PATJ: variants seen among roughly 807,000 people sequenced by gnomAD.
The protein encoded by PATJ is inaD-like protein.
Under a neutral mutation model 224.9 loss-of-function variants are expected in PATJ, and 190 were observed. That is an observed-to-expected ratio of 0.84 (90% CI 0.75 to 0.95). The LOEUF (loss-of-function observed/expected upper bound fraction) is 0.95, where lower values mean the gene tolerates loss of function less well. PATJ is among the 40% of genes least tolerant of loss of function. The pLI is 0.00. For missense variants in PATJ, 2,121 were observed against 2,270.3 expected (o/e 0.93, Z 1.34); for synonymous variants, 769 against 820.3 (o/e 0.94, Z 1.07).
intron 14 of PATJ, among the ~76,000 whole-genome samples, chr1:61,821,166 T>C (rs1483873597): frequency 6.6e-6 from 1 of 151,788 alleles, no homozygotes; most frequent in African/African-American, 2.4e-5. Flanking sequence ...TGCCTCAGCC[T>C]CCCGTGCAGC....
At chr1:61,798,766 C>T (rs994648788) in intron 11 of PATJ, among the ~76,000 whole-genome samples, 1 of 149,756 alleles carries the variant, frequency 6.7e-6, no homozygotes, top group African/African-American at 2.4e-5. Context: ...TGGCACCCAC[C>T]TGTAGTCCCA....
At chr1:62,059,484 G>A (rs1353452008) in intron 31 of PATJ, among the ~76,000 whole-genome samples, 1 of 151,920 alleles carries the variant, frequency 6.6e-6, no homozygotes, top group Non-Finnish European at 1.5e-5. Context: ...GGGCATGGTG[G>A]CACACATCTG....
intron 20 of PATJ, among the ~76,000 whole-genome samples, chr1:61,872,615 G>A (rs940541777): frequency 2.1e-4 from 32 of 152,152 alleles, no homozygotes; most frequent in African/African-American, 7.7e-4. Flanking sequence ...AACTCATTGT[G>A]CAGCCTTTGC....
chr1:61,769,715 T>C (rs1028303720), intron 5 of PATJ, among the ~76,000 whole-genome samples: 1 of 152,218 alleles, frequency 6.6e-6, no homozygotes, highest in Non-Finnish European at 1.5e-5. Flanking sequence ...ATGATGTGAT[T>C]CCAAGACCAT....
intron 14 of PATJ, among the ~76,000 whole-genome samples, chr1:61,821,416 G>T (rs892762643): frequency 3.3e-5 from 5 of 152,238 alleles, no homozygotes; most frequent in Non-Finnish European, 7.3e-5. Flanking sequence ...AGATCCTGAA[G>T]TGCTTAGTGG....
intron 28 of PATJ, among the ~76,000 whole-genome samples, chr1:62,007,762 G>A (rs377443691): frequency 6.6e-6 from 1 of 152,168 alleles, no homozygotes; most frequent in Non-Finnish European, 1.5e-5. Context: ...TGTTCCTGCT[G>A]TATGCACACA....
rs1158885808 is a variant in PATJ, at chr1:62,024,642, C to T, written c.3959+6695C>T. ...ATTCCTGTTTCCTTGGGTAGACCCC[C>T]ACTTCCCACCTCCCAACACACACAC... On this transcript the variant is annotated intron_variant, in intron 29 of 43. Transcript: ENST00000642238. Among the ~76,000 whole-genome samples, 5 of 145,356 alleles carry T rather than the reference C, an allele frequency of 3.4e-5. No individual in the cohort carries two copies. In the East Asian group the frequency reaches 8.3e-4, roughly 24 times the overall value.
chr1:62,062,490 CTTTTTTTTTTTTT>C (rs139480388), intron 31 of PATJ, among the ~76,000 whole-genome samples: 37 of 35,772 alleles, frequency 1.0e-3, no homozygotes, highest in African/African-American at 4.6e-3. Flanking sequence ...CCACAGCAAC[CTTTTTTTTTTTTT>C]TTTTTTTTTT....
At chr1:61,941,797 T>C (rs1156913690) in intron 27 of PATJ, among the ~76,000 whole-genome samples, 1 of 152,240 alleles carries the variant, frequency 6.6e-6, no homozygotes, top group Non-Finnish European at 1.5e-5. Flanking sequence ...AATATTTTAC[T>C]CTGGTAGTAA....
At position 61,990,564 on chromosome 1, in the gene PATJ, A is replaced by G. The variant is rs528740394; in HGVS notation, c.3867+200A>G. On this transcript the variant is annotated intron_variant, in intron 28 of 43. Transcript: ENST00000642238. The stretch of plus-strand genomic sequence containing the variant: ...TGCTGCTTAAGTAAAAACTAATCTC[A>G]CAGAATATTTTAGAAGTTCTTCAGT... 16 of 420,104 alleles carry G rather than the reference A, an allele frequency of 3.8e-5. No homozygotes were observed. The South Asian group carries it at 1.4e-3, about 36-fold the overall frequency. 26.0% of individuals were successfully genotyped at this position (420,104 alleles called of 1,614,324 possible). A position where few individuals can be genotyped will look rare whatever the true frequency, so the allele number is the denominator to read the frequency against.
At chr1:61,950,547 C>G (rs1384858000) in intron 27 of PATJ, among the ~76,000 whole-genome samples, 1 of 152,100 alleles carries the variant, frequency 6.6e-6, no homozygotes. Context: ...TTTTTTGTAT[C>G]GTTGTGGACT....
At chr1:62,046,840 G>A (rs536317757) in intron 30 of PATJ, among the ~76,000 whole-genome samples, 1 of 152,246 alleles carries the variant, frequency 6.6e-6, no homozygotes, top group South Asian at 2.1e-4. Flanking sequence ...TCTAAGTGTG[G>A]GATGTGGTGT....
chr1:62,046,625 C>T (rs1431932384), intron 30 of PATJ, among the ~76,000 whole-genome samples: 2 of 152,098 alleles, frequency 1.3e-5, no homozygotes, highest in East Asian at 1.9e-4. Context: ...CTTTCAGTCC[C>T]GTCAGGGAGA....
chr1:61,854,117 C>T (rs1022931520), intron 17 of PATJ, among the ~76,000 whole-genome samples: 1 of 152,160 alleles, frequency 6.6e-6, no homozygotes, highest in Admixed American at 6.6e-5. Flanking sequence ...GATCAGAAAA[C>T]TTCAAAAGAA....
chr1:61,806,438 T>C (rs1308978796), intron 13 of PATJ, among the ~76,000 whole-genome samples: 2 of 151,876 alleles, frequency 1.3e-5, no homozygotes, highest in Admixed American at 1.3e-4. Flanking sequence ...GCTAACATGG[T>C]GAAACCTCGT....
chr1:61,796,683 T>TTTCTTTC lies in PATJ; in HGVS notation c.1261-601_1261-595dup, dbSNP rs1378003187. 1.3e-3 allele frequency among the ~76,000 whole-genome samples: 28 copies of TTTCTTTC among 20,744 alleles called. 1 individual carries two copies. The South Asian group carries it at 0.04, about 30-fold the overall frequency. 13.6% of individuals were successfully genotyped at this position (20,744 alleles called of 152,430 possible). A position where few individuals can be genotyped will look rare whatever the true frequency, so the allele number is the denominator to read the frequency against. ...TTTTCTTTCTTTCTTTCTTTCTTTCTTTCTTTCTTTCTTTCTTTCTTTCTT... is the reference window on the plus strand; with the variant it reads ...TTTTCTTTCTTTCTTTCTTTCTTTCTTTCTTTCTTCTTTCTTTCTTTCTTTCTTTCTT... On this transcript the variant is annotated intron_variant, in intron 10 of 43. Coordinates refer to ENST00000642238, the MANE Select transcript of PATJ (RefSeq NM_001350145.3).
chr1:61,865,166 G>GTT (rs1388361059), intron 20 of PATJ: 2 of 150,414 alleles, frequency 1.3e-5, no homozygotes, highest in African/African-American at 4.9e-5. Context: ...AGCATTGTGT[G>GTT]TGTGTATATA....
chr1:61,771,720 T>C, intron 6 of PATJ, 94 bp downstream of exon 6: 1 of 972,242 alleles, frequency 1.0e-6, no homozygotes, highest in African/African-American at 1.7e-5. Flanking sequence ...TTTACCTTTC[T>C]TTCCTTTTTT....
chr1:61,998,306 A>G (rs1321760217), intron 28 of PATJ, among the ~76,000 whole-genome samples: 1 of 151,480 alleles, frequency 6.6e-6, no homozygotes, highest in Non-Finnish European at 1.5e-5. Context: ...CTGGTCTCGA[A>G]CTCCTGACCT....
Sources: gnomAD v4.1 joint callset for allele counts (sites outside exome capture counted in the v4.1 genomes callset) on GRCh38, gnomAD v4.1.1 for gene constraint, MANE v1.5 for transcripts, NCBI Gene and HGNC (gene_info 2026-07-23, HGNC 2026-07-21) for gene names.